KIRREL3: variants seen among roughly 807,000 people sequenced by gnomAD.
KIRREL3 encodes kin of IRRE-like protein 3.
KIRREL3 carries 36 observed loss-of-function variants against 89.7 expected under a neutral mutation model. The observed-to-expected ratio is 0.40, with a 90% CI of 0.31 to 0.53. The LOEUF (loss-of-function observed/expected upper bound fraction) is 0.53. Ranked by LOEUF, KIRREL3 falls within the 20% of genes least tolerant of loss-of-function variation. The pLI, the probability that KIRREL3 is intolerant of heterozygous loss-of-function variation, is 0.49. For missense variants in KIRREL3, 864 were observed against 1,056.6 expected, an observed-to-expected ratio of 0.82 and a Z score of 2.53; for synonymous variants, 445 against 441.4, an observed-to-expected ratio of 1.01 and a Z score of -0.10.
rs531137281 is a variant in KIRREL3 at position 126,515,007 on chromosome 11, C to T, written c.433+6308G>A. On this transcript the variant is annotated intron_variant, in intron 4 of 16. Coordinates refer to ENST00000525144, the MANE Select transcript of KIRREL3 (RefSeq NM_032531.4). This position sits in a 1 kb window ranked among gnomAD's most constrained non-coding sequence, Gnocchi z 4.2. ...CCATGAGGAACATTTACTGAACACC[C>T]AGTATGTGATTCTAGGCTGTGCTAG... Among the ~76,000 whole-genome samples the T allele has an allele frequency of 1.3e-5, 2 of 152,312 alleles. No individual in the cohort carries two copies. Among genetic ancestry groups the T allele is most frequent in the South Asian group, 4.1e-4 (2 of 4,824 alleles).
intron 4 of KIRREL3, among the ~76,000 whole-genome samples, chr11:126,517,271 G>A (rs1270171779): frequency 1.3e-5 from 2 of 151,918 alleles, no homozygotes; most frequent in East Asian, 1.9e-4. Flanking sequence ...ATTCATTCAC[G>A]CTGGTTATAG....
intron 1 of KIRREL3, among the ~76,000 whole-genome samples, chr11:126,952,383 GAA>G (rs371863572): frequency 6.9e-6 from 1 of 145,708 alleles, no homozygotes; most frequent in Non-Finnish European, 1.5e-5. Context: ...AGACTGTCTT[GAA>G]AAAAAAAAAG....
chr11:126,497,209 AGTGTGTGAGAGTGAGT>A (rs1422447822), intron 4 of KIRREL3, among the ~76,000 whole-genome samples: 1 of 92,624 alleles, frequency 1.1e-5, no homozygotes, highest in South Asian at 2.5e-4. Flanking sequence ...TGTGAGTGTG[AGTGTGTGAGAGTGAGT>A]GTGTGTGAGA....
At chr11:126,901,239 G>T (rs1285808306) in intron 1 of KIRREL3, among the ~76,000 whole-genome samples, 1 of 149,012 alleles carries the variant, frequency 6.7e-6, no homozygotes, top group Non-Finnish European at 1.5e-5. Flanking sequence ...AAAAGACTCT[G>T]GGATATTCCT....
Position 126,550,985 on chromosome 11 carries a change from C to T in KIRREL3, c.133+11850G>A, listed in dbSNP as rs947216564. ...AGGCTTCCAGAACTTCTGGCAGACC[C>T]GCTGCAAGTTGGGGGTTCCCAAGAC... On this transcript the variant is annotated intron_variant, in intron 2 of 16. Transcript: ENST00000525144. The surrounding 1 kb of genome is among the most constrained non-coding windows in gnomAD (Gnocchi z 4.9). 9.9e-5 allele frequency among the ~76,000 whole-genome samples: 15 copies of T among 152,184 alleles called. No individual in the cohort carries two copies. The highest frequency in any genetic ancestry group is 8.5e-4 in the Admixed American group (13 of 15,286).
chr11:126,502,807 A>G (rs772002815), intron 4 of KIRREL3, among the ~76,000 whole-genome samples: 1 of 152,222 alleles, frequency 6.6e-6, no homozygotes, highest in Non-Finnish European at 1.5e-5. Flanking sequence ...TCATTGGTGT[A>G]GAAACTAAGC....
chr11:126,903,364 G>A lies in KIRREL3; in HGVS notation c.55+97091C>T, dbSNP rs1031982266. Among the ~76,000 whole-genome samples the A allele has an allele frequency of 6.6e-6, 1 of 152,010 alleles. No individual in the cohort carries two copies. Among genetic ancestry groups the A allele is most frequent in the African/African-American group, 2.4e-5 (1 of 41,382 alleles). On this transcript the variant is annotated intron_variant, in intron 1 of 16. Coordinates refer to ENST00000525144, the MANE Select transcript of KIRREL3 (RefSeq NM_032531.4). The surrounding 1 kb of genome is among the most constrained non-coding windows in gnomAD (Gnocchi z 4.5). ...ATAGTTGCACAATTATTAAAAAGAG[G>A]CCACTTAAATTCAACTCTCCATGGA... is the stretch of plus-strand genomic sequence containing the variant.
Position 126,505,889 on chromosome 11 carries a change from A to G in KIRREL3, c.433+15426T>C, listed in dbSNP as rs75630070. Among the ~76,000 whole-genome samples the G allele has an allele frequency of 8.3e-3, 1,258 of 152,354 alleles. 5 individuals are homozygous for G. The highest frequency in any genetic ancestry group is 0.013 in the Non-Finnish European group (877 of 68,034). On this transcript the variant is annotated intron_variant, in intron 4 of 16. Transcript: ENST00000525144. The stretch of plus-strand genomic sequence containing the variant: ...GTGGCAATTAATTCTAAATTGATCT[A>G]TAGCTTTCACGCAATTCCTATCAAA...
At chr11:126,842,949 A>AT (rs35233054) in intron 1 of KIRREL3, among the ~76,000 whole-genome samples, 38,635 of 150,038 alleles carry the variant, frequency 0.26, 4,954 homozygotes, top group Admixed American at 0.32. Flanking sequence ...AGCATCACAG[A>AT]TTTTTTTTTT....
In KIRREL3 at chr11:126,970,613, A is replaced by C. The variant is rs1949404521; in HGVS notation, c.55+29842T>G. Among the ~76,000 whole-genome samples, 1 of 152,206 alleles carries C rather than the reference A, an allele frequency of 6.6e-6. No individual in the cohort carries two copies. The highest frequency in any genetic ancestry group is 1.5e-5 in the Non-Finnish European group (1 of 68,024). On this transcript the variant is annotated intron_variant, in intron 1 of 16. Coordinates refer to ENST00000525144, the MANE Select transcript of KIRREL3 (RefSeq NM_032531.4). This position sits in a 1 kb window ranked among gnomAD's most constrained non-coding sequence, Gnocchi z 4.4. ...CAAATCACAGAACACGTTTGCTTTT[A>C]CTTTTGTGTACTCAGTTACCGAATT...
intron 1 of KIRREL3, among the ~76,000 whole-genome samples, chr11:126,760,073 C>T (rs1949621539): frequency 6.6e-6 from 1 of 152,210 alleles, no homozygotes; most frequent in African/African-American, 2.4e-5. Context: ...TCCCCACTGG[C>T]CCTGTCCTCT....
In KIRREL3 at chr11:126,959,167, T is replaced by C. The variant is rs182609269; in HGVS notation, c.55+41288A>G. 1.6e-4 allele frequency among the ~76,000 whole-genome samples: 24 copies of C among 152,372 alleles called. No individual in the cohort carries two copies. The East Asian group carries it at 4.0e-3, about 26-fold the overall frequency. On this transcript the variant is annotated intron_variant, in intron 1 of 16. Transcript: ENST00000525144. ...TTGGCTGTTGTGCCAGCTTGTGGAC[T>C]AGAACAGCTCTTCTGGGTCTCTAGC...
At chr11:126,545,520 C>T (rs1004440884) in intron 2 of KIRREL3, among the ~76,000 whole-genome samples, 1 of 151,966 alleles carries the variant, frequency 6.6e-6, no homozygotes, top group Admixed American at 6.6e-5. Context: ...CCTGTAATCC[C>T]AGCACTTTGG....
Position 126,908,319 on chromosome 11 carries a change from C to T in KIRREL3, c.55+92136G>A, listed in dbSNP as rs1946668987. On this transcript the variant is annotated intron_variant, in intron 1 of 16. Coordinates refer to ENST00000525144, the MANE Select transcript of KIRREL3 (RefSeq NM_032531.4). This position sits in a 1 kb window ranked among gnomAD's most constrained non-coding sequence, Gnocchi z 4.2. ...TTATGATCATTTTGTCCAGCCAAGA[C>T]TAAGAGATCTTTATGATCATTTCGT... Among the ~76,000 whole-genome samples, 1 of 152,152 alleles carries T rather than the reference C, an allele frequency of 6.6e-6. No homozygotes were observed.
Position 126,769,837 on chromosome 11 carries a change from C to A in KIRREL3, c.56-206925G>T, listed in dbSNP as rs1030639820. ...TGATGAGGTGTAGAATCTTGTGCAA[C>A]CTGCTCAATCTCTCTGAGTCTTGAT... On this transcript the variant is annotated intron_variant, in intron 1 of 16. Transcript: ENST00000525144. The surrounding 1 kb of genome is among the most constrained non-coding windows in gnomAD (Gnocchi z 4.3). Among the ~76,000 whole-genome samples the A allele has an allele frequency of 6.6e-6, 1 of 152,064 alleles. No individual in the cohort carries two copies. The highest frequency in any genetic ancestry group is 2.1e-4 in the South Asian group (1 of 4,816).
chr11:126,899,768 G>A (rs560799815), intron 1 of KIRREL3, among the ~76,000 whole-genome samples: 6 of 152,340 alleles, frequency 3.9e-5, no homozygotes, highest in African/African-American at 1.2e-4. Context: ...TGAAGCAGCT[G>A]CCCCTGAAGT....
chr11:126,923,199 T>TTC (rs1565423339), intron 1 of KIRREL3, among the ~76,000 whole-genome samples: 870 of 8,898 alleles, frequency 0.098, 208 homozygotes, highest in African/African-American at 0.17. Flanking sequence ...CTTCTTCTTC[T>TTC]TCTTCTTCTT....
At chr11:126,644,197 A>G (rs1277888436) in intron 1 of KIRREL3, among the ~76,000 whole-genome samples, 1 of 152,234 alleles carries the variant, frequency 6.6e-6, no homozygotes, top group East Asian at 1.9e-4. Flanking sequence ...ATAGTGGGCT[A>G]TGAGAACTGG....
At chr11:126,688,334 A>G (rs1188207387) in intron 1 of KIRREL3, among the ~76,000 whole-genome samples, 4 of 152,214 alleles carry the variant, frequency 2.6e-5, no homozygotes, top group African/African-American at 9.6e-5. Context: ...TGACTGGAAG[A>G]CATGCCTCTG....
Sources: gnomAD v4.1 joint callset for allele counts (sites outside exome capture counted in the v4.1 genomes callset) on GRCh38, gnomAD v4.1.1 for gene constraint, Gnocchi (gnomAD v3.1) non-coding constraint, MANE v1.5 for transcripts, NCBI Gene and HGNC (gene_info 2026-07-23, HGNC 2026-07-21) for gene names.